PIK3R3: variants seen among roughly 807,000 people sequenced by gnomAD.
PIK3R3 encodes the protein phosphatidylinositol 3-kinase regulatory subunit gamma.
PIK3R3 carries 64 observed loss-of-function variants against 62.9 expected under a neutral mutation model. The observed-to-expected ratio is 1.02, with a 90% CI of 0.83 to 1.25. The LOEUF (loss-of-function observed/expected upper bound fraction) is 1.25. Ranked by LOEUF, PIK3R3 falls within the 50% of genes most tolerant of loss-of-function variation. The pLI is 0.00. For synonymous variants in PIK3R3, 165 were observed against 189.0 expected (o/e 0.87, Z 1.04); for missense variants, 614 against 561.6 (o/e 1.09, Z -0.94).
intron 1 of PIK3R3, among the ~76,000 whole-genome samples, chr1:46,098,867 A>T (rs1041291995): frequency 6.6e-6 from 1 of 151,108 alleles, no homozygotes; most frequent in Non-Finnish European, 1.5e-5. Context: ...TGCTTAGCTA[A>T]TTTTTTTTTA....
chr1:46,164,140 A>G, the PIK3R3 span, among the ~76,000 whole-genome samples: 3 of 152,176 alleles, frequency 2.0e-5, no homozygotes, highest in Non-Finnish European at 4.4e-5. Flanking sequence ...CAGGACTCCA[A>G]TTATTGAGGA....
At chr1:46,129,348 A>C (rs141935001) in intron 1 of PIK3R3, among the ~76,000 whole-genome samples, 1 of 152,258 alleles carries the variant, frequency 6.6e-6, no homozygotes, top group Admixed American at 6.5e-5. Context: ...TAGAAAATTA[A>C]GTTGGAAGCA....
At chr1:46,080,891 A>G (rs1650521713) in intron 1 of PIK3R3, 141 bp from the exon 2 acceptor site, 1 of 590,544 alleles carries the variant, frequency 1.7e-6, no homozygotes, top group Admixed American at 3.0e-5. Flanking sequence ...GTTAAATGTT[A>G]GCAACAGAAG....
chr1:46,066,853 A>T (rs1417572002), intron 4 of PIK3R3, 58 bp downstream of exon 4: 2 of 1,298,038 alleles, frequency 1.5e-6, no homozygotes, highest in Admixed American at 1.7e-5. Context: ...AATAAAATCA[A>T]ATAAGGCTGT....
chr1:46,119,379 A>T (rs1654466259), intron 1 of PIK3R3, among the ~76,000 whole-genome samples: 1 of 152,210 alleles, frequency 6.6e-6, no homozygotes. Context: ...TCATAACCCT[A>T]TTGAATGACC....
At chr1:46,098,422 A>G (rs1400696322) in intron 1 of PIK3R3, among the ~76,000 whole-genome samples, 1 of 152,260 alleles carries the variant, frequency 6.6e-6, no homozygotes, top group African/African-American at 2.4e-5. Flanking sequence ...GCATTATTCA[A>G]AATAGCTAAA....
At chr1:46,110,165 G>A (rs1042696732) in intron 1 of PIK3R3, among the ~76,000 whole-genome samples, 1 of 151,012 alleles carries the variant, frequency 6.6e-6, no homozygotes, top group African/African-American at 2.4e-5. Context: ...AAGCTGGAGT[G>A]CAGTGGCACG....
chr1:46,132,448 CAG>C lies in PIK3R3; in HGVS notation c.-498_-497del. 8.4e-7 allele frequency: 1 copy of C among 1,191,064 alleles called. No individual in the cohort carries two copies. The highest frequency in any genetic ancestry group is 1.1e-6 in the Non-Finnish European group (1 of 943,262). 73.8% of individuals were successfully genotyped at this position (1,191,064 alleles called of 1,614,324 possible). A position where few individuals can be genotyped will look rare whatever the true frequency, so the allele number is the denominator to read the frequency against. On this transcript the variant is annotated 5_prime_UTR_variant, in exon 1 of 10. Coordinates refer to ENST00000262741, the MANE Select transcript of PIK3R3 (RefSeq NM_003629.4). ...CAAGTTTCGGGGTCCCACTGGTCTG[CAG>C]AGAGCGAATCCCCCAGAGGCCGGGA...
At chr1:46,084,880 A>C (rs1190289759) in intron 1 of PIK3R3, among the ~76,000 whole-genome samples, 1 of 152,248 alleles carries the variant, frequency 6.6e-6, no homozygotes, top group South Asian at 2.1e-4. Context: ...AACAGGGCTC[A>C]AGAACCAATG....
the PIK3R3 span, among the ~76,000 whole-genome samples, chr1:46,168,178 A>T: frequency 3.3e-5 from 5 of 152,280 alleles, no homozygotes; most frequent in East Asian, 3.9e-4. Flanking sequence ...AAATTAAATT[A>T]AATTTAAAAA....
intron 1 of PIK3R3, among the ~76,000 whole-genome samples, chr1:46,082,369 A>G (rs1650677066): frequency 6.6e-6 from 1 of 152,248 alleles, no homozygotes; most frequent in African/African-American, 2.4e-5. Context: ...GACTGAGGAA[A>G]TGTTTCAGAT....
At chr1:46,125,664 T>A (rs946392995) in intron 1 of PIK3R3, among the ~76,000 whole-genome samples, 2 of 152,182 alleles carry the variant, frequency 1.3e-5, no homozygotes, top group African/African-American at 4.8e-5. Flanking sequence ...CACCTTTGTG[T>A]CTGGCTTCAA....
chr1:46,071,485 C>T (rs1406102597), intron 3 of PIK3R3, among the ~76,000 whole-genome samples: 1 of 151,338 alleles, frequency 6.6e-6, no homozygotes, highest in Non-Finnish European at 1.5e-5. Flanking sequence ...CACCTGAGGT[C>T]AGGAGTTCAA....
At chr1:46,062,720 A>G (rs1648621517) in intron 5 of PIK3R3, among the ~76,000 whole-genome samples, 1 of 152,192 alleles carries the variant, frequency 6.6e-6, no homozygotes, top group Non-Finnish European at 1.5e-5. Context: ...AGAAGTTTTG[A>G]TGTTTATGGG....
In PIK3R3 at chr1:46,079,394, T is replaced by A. The variant is rs548104145; in HGVS notation, c.215+1248A>T. Among the ~76,000 whole-genome samples the A allele has an allele frequency of 1.7e-3, 261 of 152,314 alleles. 1 individual carries two copies. Among genetic ancestry groups the A allele is most frequent in the Middle Eastern group, 6.8e-3 (2 of 294 alleles). ...AACAAATCTGTCCTAGAGTCCTGTT[T>A]ATCAAACTGGGGTGTGTAAAGAGAC... is the stretch of plus-strand genomic sequence containing the variant. On this transcript the variant is annotated intron_variant, in intron 2 of 9. Coordinates refer to ENST00000262741, the MANE Select transcript of PIK3R3 (RefSeq NM_003629.4).
At chr1:46,137,744 A>G (rs531516014), upstream of PIK3R3, among the ~76,000 whole-genome samples, 4 of 152,294 alleles carry the variant, frequency 2.6e-5, no homozygotes, top group Non-Finnish European at 5.9e-5. Context: ...TCCTTTAACC[A>G]TCAATGCCCA....
At chr1:46,142,865 A>C in the PIK3R3 span, among the ~76,000 whole-genome samples, 1 of 152,184 alleles carries the variant, frequency 6.6e-6, no homozygotes, top group Non-Finnish European at 1.5e-5. Flanking sequence ...GGAGTTTAGG[A>C]GTTTTAAGCA....
chr1:46,105,306 C>A, intron 1 of PIK3R3: 2 of 238,670 alleles, frequency 8.4e-6, no homozygotes, highest in African/African-American at 2.3e-5. Flanking sequence ...TCGAGACCAA[C>A]CTGGCCAACA....
intron 6 of PIK3R3, among the ~76,000 whole-genome samples, chr1:46,058,279 G>C (rs1648129020): frequency 6.6e-6 from 1 of 152,268 alleles, no homozygotes; most frequent in South Asian, 2.1e-4. Context: ...TGCTGCAGGG[G>C]CGGGGCTCTC....
Sources: gnomAD v4.1 joint callset for allele counts (sites outside exome capture counted in the v4.1 genomes callset) on GRCh38, gnomAD v4.1.1 for gene constraint, MANE v1.5 for transcripts, NCBI Gene and HGNC (gene_info 2026-07-23, HGNC 2026-07-21) for gene names.